Variants in RPS6KC1 observed in about 807,000 individuals in gnomAD.
The protein encoded by RPS6KC1 is ribosomal protein S6 kinase C1.
RPS6KC1 carries 54 observed loss-of-function variants against 103.8 expected under a neutral mutation model. The observed-to-expected ratio is 0.52, with a 90% CI of 0.42 to 0.65. The LOEUF (loss-of-function observed/expected upper bound fraction) is 0.65, where lower values mean the gene tolerates loss of function less well. Among genes scored for constraint, RPS6KC1 ranks in the 30% least tolerant of loss-of-function variants. RPS6KC1 has a pLI of 0.00. For synonymous variants in RPS6KC1, 439 were observed against 438.7 expected (o/e 1.00, Z -0.01); for missense variants, 1,151 against 1,253.8 (o/e 0.92, Z 1.24).
the RPS6KC1 span, among the ~76,000 whole-genome samples, chr1:213,761,466 A>C: frequency 6.6e-6 from 1 of 152,234 alleles, no homozygotes; most frequent in Non-Finnish European, 1.5e-5. Flanking sequence ...GATGGATCAG[A>C]TGGAAAGGAT....
intron 8 of RPS6KC1, among the ~76,000 whole-genome samples, chr1:213,179,885 A>G (rs929842567): frequency 6.6e-6 from 1 of 152,202 alleles, no homozygotes; most frequent in Admixed American, 6.5e-5. Context: ...TATTTGTTGA[A>G]TAAATGAATT....
At chr1:213,243,509 C>G (rs2094401010) in intron 12 of RPS6KC1, among the ~76,000 whole-genome samples, 1 of 152,160 alleles carries the variant, frequency 6.6e-6, no homozygotes. Context: ...ACAGTTTTAT[C>G]TTGCCTTTAC....
chr1:213,064,676 CTTT>C (rs34472724), intron 1 of RPS6KC1, among the ~76,000 whole-genome samples: 38 of 104,868 alleles, frequency 3.6e-4, no homozygotes, highest in African/African-American at 1.5e-3. Flanking sequence ...CCTTTGTGAA[CTTT>C]TTTTTTTTTT....
At chr1:213,497,782 A>T in the RPS6KC1 span, among the ~76,000 whole-genome samples, 1 of 152,146 alleles carries the variant, frequency 6.6e-6, no homozygotes, top group African/African-American at 2.4e-5. Context: ...AAAATCTAGG[A>T]TTTTGAGAAA....
chr1:213,850,455 G>C, the RPS6KC1 span, among the ~76,000 whole-genome samples: 1 of 152,144 alleles, frequency 6.6e-6, no homozygotes, highest in African/African-American at 2.4e-5. Flanking sequence ...TCTCCGGAGA[G>C]GGAGGCTTTG....
chr1:213,323,420 C>T, the RPS6KC1 span, among the ~76,000 whole-genome samples: 20 of 152,286 alleles, frequency 1.3e-4, no homozygotes, highest in East Asian at 3.9e-3. Flanking sequence ...ACAGTGGATC[C>T]TGGTGATGTA....
chr1:213,806,248 C>T, the RPS6KC1 span, among the ~76,000 whole-genome samples: 5 of 152,250 alleles, frequency 3.3e-5, no homozygotes, highest in East Asian at 1.9e-4. Flanking sequence ...AGGAGAATGG[C>T]GTGAACCTGG....
At chr1:213,711,897 G>A in the RPS6KC1 span, among the ~76,000 whole-genome samples, 126 of 152,296 alleles carry the variant, frequency 8.3e-4, no homozygotes, top group African/African-American at 2.7e-3. Flanking sequence ...CTTCGTCCCC[G>A]AAGGGCACCC....
the RPS6KC1 span, among the ~76,000 whole-genome samples, chr1:213,513,724 T>G: frequency 6.6e-6 from 1 of 152,210 alleles, no homozygotes; most frequent in African/African-American, 2.4e-5. Context: ...CATTTATACC[T>G]GAAATAACTT....
In RPS6KC1 at chr1:213,117,408, A is replaced by T. The variant is rs2083782730; in HGVS notation, c.470A>T (p.Glu157Val). 1 of 1,584,244 alleles carries T rather than the reference A, an allele frequency of 6.3e-7. No individual in the cohort carries two copies. Among genetic ancestry groups the T allele is most frequent in the African/African-American group, 1.4e-5 (1 of 73,882 alleles). Residue 157 changes from glutamate (E) to valine (V), a missense_variant and splice_region_variant, in exon 5 of 15, where the codon GAA (glutamate) becomes GTA (valine). Physicochemically the swap from Glu to Val is moderately radical, Grantham distance 121. Around this residue, in one of 3 missense-constraint regions of RPS6KC1, gnomAD observed 959 missense variants for 1,006.3 expected, o/e 0.95. Transcript: ENST00000366960. Reference sequence around the variant, plus strand: ...GATACCTTTCCTGAGTGTAGTACGGAAGGTAAGAGATTTTAATTTTTTTGC... The same window carrying T: ...GATACCTTTCCTGAGTGTAGTACGGTAGGTAAGAGATTTTAATTTTTTTGC... ...LIDTFPECST[E>V]GFSSDSDLVS...
chr1:213,839,371 G>A, the RPS6KC1 span, among the ~76,000 whole-genome samples: 17 of 152,186 alleles, frequency 1.1e-4, no homozygotes, highest in African/African-American at 4.1e-4. Flanking sequence ...GGCTAGGATT[G>A]TTGAATGTCT....
At chr1:213,406,893 A>G in the RPS6KC1 span, among the ~76,000 whole-genome samples, 1 of 152,202 alleles carries the variant, frequency 6.6e-6, no homozygotes, top group Non-Finnish European at 1.5e-5. Context: ...TCGTCATTTT[A>G]CAAATGAGAG....
At position 213,101,059 on chromosome 1, in the gene RPS6KC1, A is replaced by C. The variant is rs551132766; in HGVS notation, c.263-3395A>C. Among the ~76,000 whole-genome samples the C allele has an allele frequency of 3.9e-5, 6 of 152,280 alleles. No homozygotes were observed. In the South Asian group the frequency reaches 1.2e-3, roughly 32 times the overall value. ...ACACTCCCACCAACAGTTTATAAGC[A>C]TTCCCTATTCTGTGCAACCTCGCCA... is the stretch of plus-strand genomic sequence containing the variant. On this transcript the variant is annotated intron_variant, in intron 3 of 14. Coordinates refer to ENST00000366960, the MANE Select transcript of RPS6KC1 (RefSeq NM_012424.6).
intron 3 of RPS6KC1, among the ~76,000 whole-genome samples, chr1:213,088,241 C>T (rs2080610627): frequency 1.3e-5 from 2 of 152,178 alleles, no homozygotes; most frequent in Admixed American, 6.5e-5. Flanking sequence ...TACAGAGATC[C>T]GAATCCCAGC....
chr1:213,517,544 T>C, the RPS6KC1 span, among the ~76,000 whole-genome samples: 31 of 152,306 alleles, frequency 2.0e-4, no homozygotes, highest in East Asian at 5.8e-3. Context: ...CAGTTTTGAG[T>C]GAGTTTCTTA....
chr1:213,778,365 C>A, the RPS6KC1 span, among the ~76,000 whole-genome samples: 1 of 152,070 alleles, frequency 6.6e-6, no homozygotes, highest in South Asian at 2.1e-4. Flanking sequence ...TACTGCAAGG[C>A]CAGGTTTTGG....
intron 14 of RPS6KC1, among the ~76,000 whole-genome samples, chr1:213,272,101 A>G (rs966656471): frequency 6.6e-6 from 1 of 152,206 alleles, no homozygotes; most frequent in African/African-American, 2.4e-5. Flanking sequence ...CAATACATAC[A>G]TAGTTGATTA....
chr1:213,549,612 C>CTTTTTTTTTTTTTTTTTTTTTTTTTTTT, the RPS6KC1 span, among the ~76,000 whole-genome samples: 2 of 86,914 alleles, frequency 2.3e-5, no homozygotes, highest in African/African-American at 9.8e-5. Context: ...TTTTCTTTTC[C>CTTTTTTTTTTTTTTTTTTTTTTTTTTTT]TTTTTTTTTT....
chr1:213,152,495 C>T lies in RPS6KC1; in HGVS notation c.836-15363C>T, dbSNP rs538058436. 1.6e-3 allele frequency among the ~76,000 whole-genome samples: 247 copies of T among 149,774 alleles called. 1 individual carries two copies. Among genetic ancestry groups the T allele is most frequent in the African/African-American group, 5.4e-3 (218 of 40,652 alleles). The stretch of plus-strand genomic sequence containing the variant: ...CTCACTTCCCAGACGGGGTGGCTGC[C>T]GGGCGGAGGGGCTCCTCACTTCTCA... On this transcript the variant is annotated intron_variant, in intron 6 of 14. Coordinates refer to ENST00000366960, the MANE Select transcript of RPS6KC1 (RefSeq NM_012424.6).
Sources: gnomAD v4.1 joint callset for allele counts (sites outside exome capture counted in the v4.1 genomes callset) on GRCh38, gnomAD v4.1.1 for gene constraint, gnomAD v4.1.1 regional missense constraint, MANE v1.5 for transcripts, NCBI Gene and HGNC (gene_info 2026-07-23, HGNC 2026-07-21) for gene names.